LTBP2: variants seen among roughly 807,000 people sequenced by gnomAD.
The protein encoded by LTBP2 is latent-transforming growth factor beta-binding protein 2.
A neutral mutation model predicts 210.6 loss-of-function variants in LTBP2; 103 were observed. The observed-to-expected ratio is 0.49, with a 90% CI of 0.42 to 0.58. The LOEUF (loss-of-function observed/expected upper bound fraction) is 0.58. Among genes scored for constraint, LTBP2 ranks in the 20% least tolerant of loss-of-function variants. LTBP2 has a pLI of 0.00. For missense variants in LTBP2, 2,313 were observed against 2,494.5 expected (o/e 0.93, Z 1.55); for synonymous variants, 1,007 against 1,015.0 (o/e 0.99, Z 0.15).
chr14:74,505,154 G>A lies in LTBP2; in HGVS notation c.4198C>T (p.Pro1400Ser), dbSNP rs1336780771. The A allele has an allele frequency of 6.2e-7, 1 of 1,613,324 alleles. No homozygotes were observed. Among genetic ancestry groups the A allele is most frequent in the Non-Finnish European group, 8.5e-7 (1 of 1,180,026 alleles). ...GGGGCCGGGGCATGGTCCCCCGTTG[G>A]GGCCTCAGACATACTCTGACCTGTG... ...GAGGQSMSEA[P>S]TGDHAPAPTR... The change falls in exon 29 of 36, where the codon CCA (proline) becomes TCA (serine). Residue 1400 changes from proline to serine, a missense_variant. By Grantham distance (74) the Pro-to-Ser change is moderately conservative. Around this residue, in one of 3 missense-constraint regions of LTBP2, gnomAD observed 1,867 missense variants for 1,976.9 expected, o/e 0.94. Transcript: ENST00000261978.
At chr14:74,608,534 C>T (rs900544738) in intron 1 of LTBP2, among the ~76,000 whole-genome samples, 5 of 151,506 alleles carry the variant, frequency 3.3e-5, no homozygotes, top group African/African-American at 1.2e-4. Context: ...CATGGCGAAA[C>T]CCCATCTCTA....
intron 34 of LTBP2, 73 bp from the exon 35 acceptor site, chr14:74,501,663 G>A (rs767877970): frequency 3.6e-5 from 57 of 1,591,430 alleles, no homozygotes; most frequent in Non-Finnish European, 4.4e-5. Flanking sequence ...TGGGACCCTC[G>A]CCCTTCTGGA....
At chr14:74,505,250 TA>T (rs1380792425) in intron 28 of LTBP2, 76 bp from the exon 29 acceptor site, 6 of 1,505,308 alleles carry the variant, frequency 4.0e-6, no homozygotes, top group Non-Finnish European at 5.4e-6. Context: ...CTTTATTTCT[TA>T]AATTTAACAT....
At chr14:74,552,648 G>T (rs2087676135) in intron 5 of LTBP2, among the ~76,000 whole-genome samples, 1 of 152,250 alleles carries the variant, frequency 6.6e-6, no homozygotes, top group South Asian at 2.1e-4. Context: ...GGGAGATGGG[G>T]AGGTGGCATT....
At chr14:74,592,318 C>G (rs2088293443) in intron 2 of LTBP2, among the ~76,000 whole-genome samples, 2 of 152,182 alleles carry the variant, frequency 1.3e-5, no homozygotes, top group Admixed American at 1.3e-4. Context: ...CATGGTGGGC[C>G]AGCGAGTCTT....
chr14:74,560,212 G>A (rs748485186), intron 3 of LTBP2, among the ~76,000 whole-genome samples: 16 of 152,114 alleles, frequency 1.1e-4, no homozygotes, highest in Admixed American at 2.0e-4. Context: ...ATAATTTCAC[G>A]AAAGAAAAGA....
At chr14:74,506,904 C>T (rs892920212) in intron 26 of LTBP2, 81 bp from the exon 27 acceptor site, 2 of 1,451,636 alleles carry the variant, frequency 1.4e-6, no homozygotes, top group South Asian at 1.2e-5. Flanking sequence ...TGCTCACTCT[C>T]TCACACGCAT....
At chr14:74,540,809 A>AT (rs1491126915) in intron 8 of LTBP2, among the ~76,000 whole-genome samples, 49,870 of 63,524 alleles carry the variant, frequency 0.79, 21,360 homozygotes, top group Non-Finnish European at 0.96. Flanking sequence ...ATATATATAT[A>AT]ATATATATAT....
chr14:74,529,080 G>C lies in LTBP2; in HGVS notation c.2030C>G (p.Ser677Trp). Residue 677 changes from serine (S) to tryptophan (W), a missense_variant, in exon 11 of 36, where the codon TCG becomes TGG. Physicochemically the swap from Ser to Trp is radical, Grantham distance 177. Around this residue, in one of 3 missense-constraint regions of LTBP2, gnomAD observed 1,867 missense variants for 1,976.9 expected, o/e 0.94. Coordinates refer to ENST00000261978, the MANE Select transcript of LTBP2 (RefSeq NM_000428.3). The stretch of plus-strand genomic sequence containing the variant: ...CAGGGTGCAGGTGCCGGGCCCCAGC[G>C]ACCGGTAGCACAGTCCCTGCAGCAT... ...ISMLQGLCYR[S>W]LGPGTCTLPL... The C allele has an allele frequency of 6.4e-7, 1 of 1,555,424 alleles. No individual in the cohort carries two copies. Among genetic ancestry groups the C allele is most frequent in the South Asian group, 1.2e-5 (1 of 84,466 alleles).
intron 9 of LTBP2, among the ~76,000 whole-genome samples, chr14:74,533,631 G>A (rs992895295): frequency 3.3e-5 from 5 of 152,168 alleles, no homozygotes; most frequent in African/African-American, 4.8e-5. Context: ...GGGTCAGAAG[G>A]GCACATCTTC....
intron 35 of LTBP2, 89 bp downstream of exon 35, chr14:74,501,352 G>A (rs2086907861): frequency 6.3e-7 from 1 of 1,576,560 alleles, no homozygotes; most frequent in African/African-American, 1.3e-5. Context: ...CCACTAGGAG[G>A]CAGCAGTGGC....
intron 1 of LTBP2, among the ~76,000 whole-genome samples, chr14:74,605,666 G>A (rs1158610090): frequency 2.0e-5 from 3 of 152,206 alleles, no homozygotes; most frequent in Admixed American, 6.5e-5. Flanking sequence ...CAGCACGGAC[G>A]CAGGAGCCTG....
At position 74,586,117 on chromosome 14, in the gene LTBP2, G is replaced by A. The variant is rs762037725; in HGVS notation, c.567C>T (p.Pro189=). 19 of 1,592,442 alleles carry A rather than the reference G, an allele frequency of 1.2e-5. No homozygotes were observed. The East Asian group carries it at 1.8e-4, about 15-fold the overall frequency. ...TANSTNHCIK[P]VCEPPCQNRG... ...GGTTCTGGCACGGCGGCTCGCAAAC[G>A]GCTGAGGACACAGGGAGAGAGGTGA... The change falls in exon 3 of 36, where the codon CCC becomes CCT. Residue 189 remains proline, a splice_region_variant and synonymous_variant. Coordinates refer to ENST00000261978, the MANE Select transcript of LTBP2 (RefSeq NM_000428.3). This position sits in a 1 kb window ranked among gnomAD's most constrained non-coding sequence, Gnocchi z 4.6.
At chr14:74,507,786 C>A (rs552717140) in intron 25 of LTBP2, among the ~76,000 whole-genome samples, 187 bp downstream of exon 25, 2 of 152,252 alleles carry the variant, frequency 1.3e-5, no homozygotes, top group Non-Finnish European at 2.9e-5. Context: ...TCTGCCAGCA[C>A]GAAGATGATG....
intron 1 of LTBP2, among the ~76,000 whole-genome samples, chr14:74,604,554 C>CT (rs779089868): frequency 0.035 from 5,041 of 142,306 alleles, 306 homozygotes; most frequent in African/African-American, 0.12. Flanking sequence ...TCAACTACTC[C>CT]TTTTTTTTTT....
intron 3 of LTBP2, among the ~76,000 whole-genome samples, chr14:74,564,319 TTA>T (rs1415792938): frequency 2.1e-3 from 44 of 20,694 alleles, no homozygotes; most frequent in Middle Eastern, 0.026. Context: ...ATATATATAT[TTA>T]TATATATATT....
chr14:74,518,361 C>G (rs1174199582), intron 17 of LTBP2, among the ~76,000 whole-genome samples: 1 of 152,144 alleles, frequency 6.6e-6, no homozygotes, highest in Non-Finnish European at 1.5e-5. Context: ...CTTGCATGAC[C>G]GGCCCCAGCC....
chr14:74,583,248 T>A (rs889354907), intron 3 of LTBP2, among the ~76,000 whole-genome samples: 1 of 152,138 alleles, frequency 6.6e-6, no homozygotes, highest in Admixed American at 6.5e-5. Flanking sequence ...CCCCAACTCC[T>A]AGAATGCCCC....
rs537337575 is a variant in LTBP2, at chr14:74,535,433, G to A, written c.1864+493C>T. Among the ~76,000 whole-genome samples, 125 of 152,238 alleles carry A rather than the reference G, an allele frequency of 8.2e-4. 1 individual carries two copies. The South Asian group carries it at 0.022, about 27-fold the overall frequency. Reference sequence around the variant, plus strand: ...AGCCTGTCCCAGGCAGGAAGCCCCCGTGCTCCCCGTCCCCTTTCCTGGCTA... The same window carrying A: ...AGCCTGTCCCAGGCAGGAAGCCCCCATGCTCCCCGTCCCCTTTCCTGGCTA... On this transcript the variant is annotated intron_variant, in intron 9 of 35. Transcript: ENST00000261978.
Sources: gnomAD v4.1 joint callset for allele counts (sites outside exome capture counted in the v4.1 genomes callset) on GRCh38, gnomAD v4.1.1 for gene constraint, gnomAD v4.1.1 regional missense constraint, Gnocchi (gnomAD v3.1) non-coding constraint, MANE v1.5 for transcripts, NCBI Gene and HGNC (gene_info 2026-07-23, HGNC 2026-07-21) for gene names.